TMEM94: variants seen among roughly 807,000 people sequenced by gnomAD.
TMEM94 encodes transmembrane protein 94, also known as ER Mg2+ ATPase.
In TMEM94, 81 loss-of-function variants were observed where a neutral mutation model predicts 158.6. The observed-to-expected ratio is 0.51, with a 90% CI of 0.43 to 0.61. TMEM94 has a LOEUF of 0.61. Ranked by LOEUF, TMEM94 falls within the 20% of genes least tolerant of loss-of-function variation. The pLI, the probability that TMEM94 is intolerant of heterozygous loss-of-function variation, is 0.00. For missense variants in TMEM94, 1,435 were observed against 1,762.0 expected (o/e 0.81, Z 3.32); for synonymous variants, 751 against 730.7 (o/e 1.03, Z -0.45).
chr17:75,489,982 G>A lies in TMEM94; in HGVS notation c.955-252G>A. 1 of 574,428 alleles carries A rather than the reference G, an allele frequency of 1.7e-6. No individual in the cohort carries two copies. The highest frequency in any genetic ancestry group is 2.1e-5 in the South Asian group (1 of 48,178). 35.6% of individuals were successfully genotyped at this position (574,428 alleles called of 1,614,324 possible). A position where few individuals can be genotyped will look rare whatever the true frequency, so the allele number is the denominator to read the frequency against. ...TGGTCCCAGCCATTCAGGTGGCTGA[G>A]GTGGGAGAATCCCTTGAACCTGGGA... On this transcript the variant is annotated intron_variant, in intron 9 of 31. Coordinates refer to ENST00000314256, the MANE Select transcript of TMEM94 (RefSeq NM_014738.6). This position sits in a 1 kb window ranked among gnomAD's most constrained non-coding sequence, Gnocchi z 5.0.
In TMEM94 at chr17:75,492,488, G is replaced by C; in HGVS notation, c.1611G>C (p.Met537Ile). ...EEEPSKTQPG[M>I]ESDPYEAEDF... ...ATTTCCCCCAGACCCAGCCTGGGAT[G>C]GAGAGCGACCCCTACGAAGCAGAGG... The change falls in exon 15 of 32, where the codon ATG (methionine) becomes ATC (isoleucine). Residue 537 changes from methionine (M) to isoleucine (I), a missense_variant. Met to Ile is a conservative substitution (Grantham distance 10). Coordinates refer to ENST00000314256, the MANE Select transcript of TMEM94 (RefSeq NM_014738.6). This position sits in a 1 kb window ranked among gnomAD's most constrained non-coding sequence, Gnocchi z 4.4. The C allele has an allele frequency of 6.3e-7, 1 of 1,586,774 alleles. No individual in the cohort carries two copies. Among genetic ancestry groups the C allele is most frequent in the Non-Finnish European group, 8.6e-7 (1 of 1,162,858 alleles).
Position 75,491,281 on chromosome 17 carries a change from A to G in TMEM94, c.1234-22A>G. ...TAGGCTAATGCCAGGCCCCTTTCCTATCTCAAATGCTTTCCATGCAGGTCC... is the reference window on the plus strand; with the variant it reads ...TAGGCTAATGCCAGGCCCCTTTCCTGTCTCAAATGCTTTCCATGCAGGTCC... On this transcript the variant is annotated intron_variant, in intron 12 of 31. Coordinates refer to ENST00000314256, the MANE Select transcript of TMEM94 (RefSeq NM_014738.6). The surrounding 1 kb of genome is among the most constrained non-coding windows in gnomAD (Gnocchi z 5.1). 1.2e-6 allele frequency: 2 copies of G among 1,609,390 alleles called. No individual in the cohort carries two copies. Among genetic ancestry groups the G allele is most frequent in the East Asian group, 2.2e-5 (1 of 44,862 alleles).
rs762521658 is a variant in TMEM94, at chr17:75,491,490, C to G, written c.1386+35C>G. The G allele has an allele frequency of 9.9e-6, 16 of 1,613,480 alleles. No individual in the cohort carries two copies. Among genetic ancestry groups the G allele is most frequent in the African/African-American group, 1.3e-5 (1 of 74,910 alleles). On this transcript the variant is annotated intron_variant, in intron 13 of 31. Coordinates refer to ENST00000314256, the MANE Select transcript of TMEM94 (RefSeq NM_014738.6). This position sits in a 1 kb window ranked among gnomAD's most constrained non-coding sequence, Gnocchi z 5.1. ...GAGGTACGGCCGGCTCCCATGGGCCCGACTCTGGGCCAGGCTGTTTAGCCT... is the reference window on the plus strand; with the variant it reads ...GAGGTACGGCCGGCTCCCATGGGCCGGACTCTGGGCCAGGCTGTTTAGCCT...
rs764490419 is a variant in TMEM94, at chr17:75,496,341, C to A, written c.3113C>A (p.Thr1038Asn). 5.0e-6 allele frequency: 8 copies of A among 1,614,158 alleles called. No homozygotes were observed. Among genetic ancestry groups the A allele is most frequent in the South Asian group, 2.2e-5 (2 of 91,090 alleles). Reference sequence around the variant, plus strand: ...TCCTGGGAGACCTTTGGCTACGCCACCAGCATCAGCATGGCCCAGGCCTCG... The same window carrying A: ...TCCTGGGAGACCTTTGGCTACGCCAACAGCATCAGCATGGCCCAGGCCTCG... The part of the protein sequence containing the change: ...RCSWETFGYA[T>N]SISMAQASDG... Residue 1038 changes from threonine to asparagine, a missense_variant, in exon 24 of 32, where the codon ACC (threonine) becomes AAC (asparagine). Thr to Asn is a moderately conservative substitution (Grantham distance 65, BLOSUM62 0). Coordinates refer to ENST00000314256, the MANE Select transcript of TMEM94 (RefSeq NM_014738.6).
In TMEM94 at chr17:75,485,670, G is replaced by A. The variant is rs1355386053; in HGVS notation, c.144+123G>A. The A allele has an allele frequency of 1.3e-5, 19 of 1,425,230 alleles. No homozygotes were observed. The highest frequency in any genetic ancestry group is 4.6e-5 in the East Asian group (2 of 43,204). 88.3% of individuals were successfully genotyped at this position (1,425,230 alleles called of 1,614,324 possible). A position where few individuals can be genotyped will look rare whatever the true frequency, so the allele number is the denominator to read the frequency against. On this transcript the variant is annotated intron_variant, in intron 3 of 31. Transcript: ENST00000314256. This position sits in a 1 kb window ranked among gnomAD's most constrained non-coding sequence, Gnocchi z 5.5. ...CAGTGTGACCCAACTGAGGCCTCAT[G>A]AAATATCAGAAAGAAGCCAAGGTTC...
At position 75,495,111 on chromosome 17, in the gene TMEM94, C is replaced by A; in HGVS notation, c.2728+77C>A. On this transcript the variant is annotated intron_variant, in intron 20 of 31. Coordinates refer to ENST00000314256, the MANE Select transcript of TMEM94 (RefSeq NM_014738.6). The surrounding 1 kb of genome is among the most constrained non-coding windows in gnomAD (Gnocchi z 5.6). The stretch of plus-strand genomic sequence containing the variant: ...TCCTCAGAGCCACAGCCAGGAAGAG[C>A]CTCCGGAGAGCCCTCCAGTTAAGTA... 1 of 1,562,178 alleles carries A rather than the reference C, an allele frequency of 6.4e-7. No individual in the cohort carries two copies. Among genetic ancestry groups the A allele is most frequent in the Non-Finnish European group, 8.7e-7 (1 of 1,150,360 alleles).
Position 75,493,696 on chromosome 17 carries a change from CAGAA to C in TMEM94, c.2194_2197del (p.Lys732CysfsTer22). ...ACCTCACCTCCGCCTGCTTCCCTGG[CAGAA>C]AGAAAGTGCTGGACTTCTACCAGCG... On this transcript the variant is annotated splice_acceptor_variant and coding_sequence_variant, in exon 18 of 32. Transcript: ENST00000314256. LOFTEE classifies it high-confidence loss of function. The C allele has an allele frequency of 3.1e-6, 5 of 1,613,966 alleles. No individual in the cohort carries two copies. The highest frequency in any genetic ancestry group is 4.2e-6 in the Non-Finnish European group (5 of 1,180,020).
chr17:75,484,689 G>T (rs187476982), intron 2 of TMEM94, among the ~76,000 whole-genome samples: 1 of 151,726 alleles, frequency 6.6e-6, no homozygotes, highest in Non-Finnish European at 1.5e-5. Context: ...GAGCCACCAC[G>T]CCTGGCCAAA....
rs2052204925 is a variant in TMEM94 at position 75,491,708 on chromosome 17, C to T, written c.1404C>T (p.Ala468=). ...CTCTTCAGCCCCATGAACGAGACGC[C>T]CTCCTGGCTGGCTCCCTGAACAACA... The part of the protein sequence containing the change: ...FCHPEPHERD[A]LLAGSLNNTL... The change falls in exon 14 of 32, where the codon GCC becomes GCT. Residue 468 remains alanine, a synonymous_variant. Transcript: ENST00000314256. The surrounding 1 kb of genome is among the most constrained non-coding windows in gnomAD (Gnocchi z 5.1). 1 of 1,614,036 alleles carries T rather than the reference C, an allele frequency of 6.2e-7. No homozygotes were observed. Among genetic ancestry groups the T allele is most frequent in the South Asian group, 1.1e-5 (1 of 91,084 alleles).
rs1203606780 is a variant in TMEM94, at chr17:75,489,187, A to G, written c.765-79A>G. On this transcript the variant is annotated intron_variant, in intron 7 of 31. Transcript: ENST00000314256. This position sits in a 1 kb window ranked among gnomAD's most constrained non-coding sequence, Gnocchi z 5.0. ...GGTGCTTGAAGAAGCGGTATCTGGC[A>G]GAGAGGCCCAGAATCCTCCCAAGGT... 2 of 1,360,596 alleles carry G rather than the reference A, an allele frequency of 1.5e-6. No individual in the cohort carries two copies. Among genetic ancestry groups the G allele is most frequent in the Non-Finnish European group, 2.1e-6 (2 of 956,624 alleles). 84.3% of individuals were successfully genotyped at this position (1,360,596 alleles called of 1,614,324 possible).
chr17:75,470,718 A>AT (rs1245921083), intron 1 of TMEM94, among the ~76,000 whole-genome samples: 1 of 145,826 alleles, frequency 6.9e-6, no homozygotes, highest in Non-Finnish European at 1.5e-5. Context: ...AAAAAAAAAA[A>AT]GTCCAGCCTG....
chr17:75,469,486 A>C lies in TMEM94; in HGVS notation c.-106-2314A>C, dbSNP rs558859434. ...CAGCCTCCTGAGTAGCTGGGATTAC[A>C]GGCGCCCACCACCACGCCTGGCTAA... On this transcript the variant is annotated intron_variant, in intron 1 of 31. Transcript: ENST00000314256. Among the ~76,000 whole-genome samples, 8 of 151,382 alleles carry C rather than the reference A, an allele frequency of 5.3e-5. No individual in the cohort carries two copies. In the South Asian group the frequency reaches 6.3e-4, roughly 12 times the overall value.
chr17:75,490,376 G>A lies in TMEM94; in HGVS notation c.1071+26G>A, dbSNP rs2052055798. The stretch of plus-strand genomic sequence containing the variant: ...GTAGGTTTTTCCAAGGTGTCTGGGG[G>A]AAGTCACAGGAACAAAAAGAGGGAG... On this transcript the variant is annotated intron_variant, in intron 10 of 31. Transcript: ENST00000314256. The A allele has an allele frequency of 2.5e-6, 4 of 1,605,152 alleles. No homozygotes were observed. The African/African-American group carries it at 4.0e-5, about 16-fold the overall frequency.
Position 75,498,379 on chromosome 17 carries a change from C to T in TMEM94, c.3638+56C>T. On this transcript the variant is annotated intron_variant, in intron 28 of 31. Transcript: ENST00000314256. This position sits in a 1 kb window ranked among gnomAD's most constrained non-coding sequence, Gnocchi z 6.7. ...GCCTGCCTCGCCTCGAGGCTTCCTC[C>T]CTCCCCACCCCAGCCTACCTCCCTG... is the stretch of plus-strand genomic sequence containing the variant. 2 of 1,611,746 alleles carry T rather than the reference C, an allele frequency of 1.2e-6. No homozygotes were observed. Among genetic ancestry groups the T allele is most frequent in the Non-Finnish European group, 1.7e-6 (2 of 1,178,884 alleles).
chr17:75,495,033 G>C lies in TMEM94; in HGVS notation c.2727G>C (p.Gln909His), dbSNP rs776965582. Residue 909 changes from glutamine (Q) to histidine (H), a missense_variant and splice_region_variant, in exon 20 of 32, where the codon CAG (glutamine) becomes CAC (histidine). Gln to His is a conservative substitution (Grantham distance 24). Coordinates refer to ENST00000314256, the MANE Select transcript of TMEM94 (RefSeq NM_014738.6). This position sits in a 1 kb window ranked among gnomAD's most constrained non-coding sequence, Gnocchi z 5.6. ...GCTCCCTGCATGATGACCTGAATCA[G>C]GGTAAGGGCAAAGGCGTGGGGTGGG... is the stretch of plus-strand genomic sequence containing the variant. ...HAGSLHDDLN[Q>H]VSRDDAEGLL... The C allele has an allele frequency of 3.4e-5, 55 of 1,612,908 alleles. No homozygotes were observed. In the Admixed American group the frequency reaches 6.8e-4, roughly 20 times the overall value.
At chr17:75,464,676 C>CTTCTTTCTTTCTTTCT (rs376169961) in intron 1 of TMEM94, among the ~76,000 whole-genome samples, 1 of 59,938 alleles carries the variant, frequency 1.7e-5, no homozygotes, top group African/African-American at 1.4e-4. Flanking sequence ...TCCTTCCTTC[C>CTTCTTTCTTTCTTTCT]TTCTTTCTTT....
rs1230920624 is a variant in TMEM94 at position 75,489,115 on chromosome 17, T to A, written c.765-151T>A. Reference sequence around the variant, plus strand: ...TACTCTGAGGGGACAGCTCTGGAGGTGAACACGGGCTAGGGCCAGGGCAGA... The same window carrying A: ...TACTCTGAGGGGACAGCTCTGGAGGAGAACACGGGCTAGGGCCAGGGCAGA... On this transcript the variant is annotated intron_variant, in intron 7 of 31. Transcript: ENST00000314256. This position sits in a 1 kb window ranked among gnomAD's most constrained non-coding sequence, Gnocchi z 5.0. 1 of 900,482 alleles carries A rather than the reference T, an allele frequency of 1.1e-6. No individual in the cohort carries two copies. Among genetic ancestry groups the A allele is most frequent in the African/African-American group, 1.7e-5 (1 of 59,692 alleles). 55.8% of individuals were successfully genotyped at this position (900,482 alleles called of 1,614,324 possible).
intron 2 of TMEM94, among the ~76,000 whole-genome samples, chr17:75,481,661 G>A (rs1484250113): frequency 6.6e-6 from 1 of 152,256 alleles, no homozygotes; most frequent in Non-Finnish European, 1.5e-5. Flanking sequence ...GACTCTGGGA[G>A]ACAGAACTGT....
At chr17:75,499,174 C>A in intron 31 of TMEM94, 88 bp from the exon 32 acceptor site, 1 of 1,590,894 alleles carries the variant, frequency 6.3e-7, no homozygotes, top group Non-Finnish European at 8.6e-7. Flanking sequence ...TTTCCGCTGC[C>A]CATCCCTCCC....
Sources: allele counts gnomAD v4.1 joint callset (sites outside exome capture counted in the v4.1 genomes callset), GRCh38; gene constraint gnomAD v4.1.1; non-coding constraint Gnocchi (gnomAD v3.1); transcripts MANE v1.5; gene names NCBI Gene and HGNC (gene_info 2026-07-23, HGNC 2026-07-21).